PNMA8B: variants seen among roughly 807,000 people sequenced by gnomAD.
PNMA8B encodes paraneoplastic antigen-like protein 8B.
For missense variants in PNMA8B, 887 were observed against 885.8 expected, an observed-to-expected ratio of 1.00 and a Z score of -0.02; for synonymous variants, 386 against 394.9, an observed-to-expected ratio of 0.98 and a Z score of 0.27.
rs1970048699 is a variant in PNMA8B at position 46,493,985 on chromosome 19, C to G, written c.1481G>C (p.Arg494Pro). The G allele has an allele frequency of 6.2e-7, 1 of 1,613,706 alleles. No homozygotes were observed. Among genetic ancestry groups the G allele is most frequent in the Non-Finnish European group, 8.5e-7 (1 of 1,179,864 alleles). The change falls in exon 1 of 1, where the codon CGG becomes CCG. Residue 494 changes from arginine (R) to proline (P), a missense_variant. Transcript: ENST00000599531. This position sits in a 1 kb window ranked among gnomAD's most constrained non-coding sequence, Gnocchi z 5.3. ...CCCCTCGTTGGACCCCATGTTCTCCCGGGCGGCCAGGAGCGCCAATACCTC... is the reference window on the plus strand; with the variant it reads ...CCCCTCGTTGGACCCCATGTTCTCCGGGGCGGCCAGGAGCGCCAATACCTC... Reference protein sequence around the residue: ...LGEVLALLAARENMGSNEGSE... With the variant: ...LGEVLALLAAPENMGSNEGSE...
In PNMA8B at chr19:46,493,964, T is replaced by C; in HGVS notation, c.1502A>G (p.Glu501Gly). Residue 501 changes from glutamate to glycine, a missense_variant, in exon 1 of 1, where the codon GAG becomes GGG. Coordinates refer to ENST00000599531, the MANE Select transcript of PNMA8B (RefSeq NM_020709.3). The surrounding 1 kb of genome is among the most constrained non-coding windows in gnomAD (Gnocchi z 5.3). The stretch of plus-strand genomic sequence containing the variant: ...TTCGTCCGAAGCCTCCTCCGACCCC[T>C]CGTTGGACCCCATGTTCTCCCGGGC... ...LAARENMGSNEGSEEASDEQS... is the reference protein window; with the variant it reads ...LAARENMGSNGGSEEASDEQS... 1 of 1,613,054 alleles carries C rather than the reference T, an allele frequency of 6.2e-7. No individual in the cohort carries two copies.
chr19:46,491,369 C>T lies in PNMA8B; in HGVS notation c.*2189G>A, dbSNP rs1169662197. 1 of 152,236 alleles carries T rather than the reference C, an allele frequency of 6.6e-6. No homozygotes were observed. The highest frequency in any genetic ancestry group is 1.5e-5 in the Non-Finnish European group (1 of 68,118). The allele number at this position is 152,236 out of a possible 1,614,324, so 9.4% of individuals were successfully genotyped here. A position where few individuals can be genotyped will look rare whatever the true frequency, so the allele number is the denominator to read the frequency against. ...GGACGCAATCAGACCCCAGGTGTGA[C>T]TTCTAAGAGGACGTCTCTGGCAGCC... On this transcript the variant is annotated 3_prime_UTR_variant, in exon 1 of 1. Transcript: ENST00000599531.
In PNMA8B at chr19:46,492,377, A is replaced by G. The variant is rs2147482899; in HGVS notation, c.*1181T>C. On this transcript the variant is annotated 3_prime_UTR_variant, in exon 1 of 1. Transcript: ENST00000599531. ...ACGGCACGGCACAGACTCACATACAACTCAAGCGTGCTTGGGACAGCAGGT... is the reference window on the plus strand; with the variant it reads ...ACGGCACGGCACAGACTCACATACAGCTCAAGCGTGCTTGGGACAGCAGGT... 4.7e-6 allele frequency: 1 copy of G among 211,460 alleles called. No homozygotes were observed. Among genetic ancestry groups the G allele is most frequent in the Non-Finnish European group, 1.0e-5 (1 of 98,658 alleles). 13.1% of individuals were successfully genotyped at this position (211,460 alleles called of 1,614,324 possible). A position where few individuals can be genotyped will look rare whatever the true frequency, so the allele number is the denominator to read the frequency against.
At position 46,493,841 on chromosome 19, in the gene PNMA8B, G is replaced by A; in HGVS notation, c.1625C>T (p.Pro542Leu). 2 of 1,473,376 alleles carry A rather than the reference G, an allele frequency of 1.4e-6. No individual in the cohort carries two copies. The highest frequency in any genetic ancestry group is 1.8e-6 in the Non-Finnish European group (2 of 1,119,516). The allele number at this position is 1,473,376 out of a possible 1,614,324, so 91.3% of individuals were successfully genotyped here. ...CGCGCCGGCCGGAGTCAGGCCCCTGGGGGCCGTGCGCGCCCTCTTGGCCCG... is the reference window on the plus strand; with the variant it reads ...CGCGCCGGCCGGAGTCAGGCCCCTGAGGGCCGTGCGCGCCCTCTTGGCCCG... ...KPRAKRARTA[P>L]RGLTPAGAPP... The change falls in exon 1 of 1, where the codon CCC becomes CTC. Residue 542 changes from proline to leucine, a missense_variant. Pro to Leu is a moderately conservative substitution (Grantham distance 98). Coordinates refer to ENST00000599531, the MANE Select transcript of PNMA8B (RefSeq NM_020709.3). The surrounding 1 kb of genome is among the most constrained non-coding windows in gnomAD (Gnocchi z 5.3).
In PNMA8B at chr19:46,492,859, C is replaced by G. The variant is rs548113562; in HGVS notation, c.*699G>C. Reference sequence around the variant, plus strand: ...GGTGGCCTTGGCCTGGGGCTGGTTCCTTTGTTATCAGGGGCGCCCCAGTAG... The same window carrying G: ...GGTGGCCTTGGCCTGGGGCTGGTTCGTTTGTTATCAGGGGCGCCCCAGTAG... On this transcript the variant is annotated 3_prime_UTR_variant, in exon 1 of 1. Coordinates refer to ENST00000599531, the MANE Select transcript of PNMA8B (RefSeq NM_020709.3). The G allele has an allele frequency of 1.3e-5, 2 of 153,696 alleles. No individual in the cohort carries two copies. Among genetic ancestry groups the G allele is most frequent in the African/African-American group, 4.8e-5 (2 of 41,556 alleles). The allele number at this position is 153,696 out of a possible 1,614,324, so 9.5% of individuals were successfully genotyped here. A position where few individuals can be genotyped will look rare whatever the true frequency, so the allele number is the denominator to read the frequency against.
Position 46,495,345 on chromosome 19 carries a change from G to T in PNMA8B, c.121C>A (p.Pro41Thr). ...AACGTGCCCAGGGGCAGGAGGGTCG[G>T]CTGCAGGACGGCTTCGACGTCTGCC... ...EQADVEAVLQPTLLPLGTFRL... is the reference protein window; with the variant it reads ...EQADVEAVLQTTLLPLGTFRL... Residue 41 changes from proline (P) to threonine (T), a missense_variant, in exon 1 of 1, where the codon CCG (proline) becomes ACG (threonine). Transcript: ENST00000599531. 1 of 1,282,526 alleles carries T rather than the reference G, an allele frequency of 7.8e-7. No homozygotes were observed. The highest frequency in any genetic ancestry group is 1.1e-6 in the Non-Finnish European group (1 of 877,690). 79.4% of individuals were successfully genotyped at this position (1,282,526 alleles called of 1,614,324 possible). A position where few individuals can be genotyped will look rare whatever the true frequency, so the allele number is the denominator to read the frequency against.
Position 46,494,663 on chromosome 19 carries a change from G to A in PNMA8B, c.803C>T (p.Ala268Val). The A allele has an allele frequency of 1.9e-6, 3 of 1,614,016 alleles. No individual in the cohort carries two copies. Among genetic ancestry groups the A allele is most frequent in the Non-Finnish European group, 2.5e-6 (3 of 1,179,894 alleles). Residue 268 changes from alanine to valine, a missense_variant, in exon 1 of 1, where the codon GCA (alanine) becomes GTA (valine). Physicochemically the swap from Ala to Val is moderately conservative, Grantham distance 64. Coordinates refer to ENST00000599531, the MANE Select transcript of PNMA8B (RefSeq NM_020709.3). The part of the protein sequence containing the change: ...TVTDKSKKEE[A>V]EKEPAGAESI... The stretch of plus-strand genomic sequence containing the variant: ...TTCGGCCCCAGCTGGCTCCTTCTCT[G>A]CCTCTTCTTTCTTCGATTTGTCGGT...
At position 46,493,058 on chromosome 19, in the gene PNMA8B, T is replaced by A. The variant is rs773906131; in HGVS notation, c.*500A>T. 2 of 156,022 alleles carry A rather than the reference T, an allele frequency of 1.3e-5. No individual in the cohort carries two copies. The highest frequency in any genetic ancestry group is 2.9e-5 in the Non-Finnish European group (2 of 69,494). The allele number at this position is 156,022 out of a possible 1,614,324, so 9.7% of individuals were successfully genotyped here. A position where few individuals can be genotyped will look rare whatever the true frequency, so the allele number is the denominator to read the frequency against. On this transcript the variant is annotated 3_prime_UTR_variant, in exon 1 of 1. Coordinates refer to ENST00000599531, the MANE Select transcript of PNMA8B (RefSeq NM_020709.3). This position sits in a 1 kb window ranked among gnomAD's most constrained non-coding sequence, Gnocchi z 5.3. The stretch of plus-strand genomic sequence containing the variant: ...CCTGGCTGGGAGCTGGGGCCTCCCC[T>A]GGCTGAGAGTTGCGCCCTGACACGC...
rs1438865940 is a variant in PNMA8B, at chr19:46,493,503, C to T, written c.*55G>A. On this transcript the variant is annotated 3_prime_UTR_variant, in exon 1 of 1. Transcript: ENST00000599531. This position sits in a 1 kb window ranked among gnomAD's most constrained non-coding sequence, Gnocchi z 5.3. ...GGGAGGGGAGGGCGGGGGCCACAGG[C>T]GGGCGGGTGCCCTGCGGGGCCTGCT... 13 of 1,060,038 alleles carry T rather than the reference C, an allele frequency of 1.2e-5. No individual in the cohort carries two copies. In the Admixed American group the frequency reaches 1.7e-4, roughly 13 times the overall value. The allele number at this position is 1,060,038 out of a possible 1,614,324, so 65.7% of individuals were successfully genotyped here.
Position 46,495,096 on chromosome 19 carries a change from G to A in PNMA8B, c.370C>T (p.Pro124Ser), listed in dbSNP as rs776381212. Residue 124 changes from proline (P) to serine (S), a missense_variant, in exon 1 of 1, where the codon CCC becomes TCC. Pro to Ser is a moderately conservative substitution (Grantham distance 74). Coordinates refer to ENST00000599531, the MANE Select transcript of PNMA8B (RefSeq NM_020709.3). Reference sequence around the variant, plus strand: ...GCGGGAGGGGTGGGTGCCTCCCCGGGGGTCCCAGCCTCCGCGGCCTGCGTG... The same window carrying A: ...GCGGGAGGGGTGGGTGCCTCCCCGGAGGTCCCAGCCTCCGCGGCCTGCGTG... ...GPTQAAEAGT[P>S]GEAPTPPASE... 3.1e-6 allele frequency: 5 copies of A among 1,613,158 alleles called. No homozygotes were observed. In the South Asian group the frequency reaches 4.4e-5, roughly 14 times the overall value.
chr19:46,492,255 G>A lies in PNMA8B; in HGVS notation c.*1303C>T. On this transcript the variant is annotated 3_prime_UTR_variant, in exon 1 of 1. Coordinates refer to ENST00000599531, the MANE Select transcript of PNMA8B (RefSeq NM_020709.3). The stretch of plus-strand genomic sequence containing the variant: ...ACGAGGAAGCACACACATTGCCCCA[G>A]GGACAAGAAGGCATGAATGAAGGTG... 1 of 348,958 alleles carries A rather than the reference G, an allele frequency of 2.9e-6. No individual in the cohort carries two copies. The highest frequency in any genetic ancestry group is 6.0e-6 in the Non-Finnish European group (1 of 167,974). The allele number at this position is 348,958 out of a possible 1,614,324, so 21.6% of individuals were successfully genotyped here.
At position 46,494,715 on chromosome 19, in the gene PNMA8B, G is replaced by A. The variant is rs138594215; in HGVS notation, c.751C>T (p.Arg251Cys). 6.2e-6 allele frequency: 10 copies of A among 1,613,844 alleles called. No homozygotes were observed. Among genetic ancestry groups the A allele is most frequent in the Middle Eastern group, 1.6e-4 (1 of 6,084 alleles). Reference sequence around the variant, plus strand: ...ACGGTGACCAGAGCCAAGAACTCGCGGGGACCGTCTTCTTCCCCCTCGGAG... The same window carrying A: ...ACGGTGACCAGAGCCAAGAACTCGCAGGGACCGTCTTCTTCCCCCTCGGAG... Reference protein sequence around the residue: ...CNSEGEEDGPREFLALVTVTD... With the variant: ...CNSEGEEDGPCEFLALVTVTD... Residue 251 changes from arginine (R) to cysteine (C), a missense_variant, in exon 1 of 1, where the codon CGC becomes TGC. By Grantham distance (180) the Arg-to-Cys change is radical. Transcript: ENST00000599531.
rs758269236 is a variant in PNMA8B at position 46,494,642 on chromosome 19, G to A, written c.824C>T (p.Ala275Val). 3.1e-6 allele frequency: 5 copies of A among 1,613,890 alleles called. No homozygotes were observed. In the South Asian group the frequency reaches 5.5e-5, roughly 18 times the overall value. Residue 275 changes from alanine to valine, a missense_variant, in exon 1 of 1, where the codon GCC becomes GTC. Coordinates refer to ENST00000599531, the MANE Select transcript of PNMA8B (RefSeq NM_020709.3). ...TTTGGTGTTCAAGCGGATGGATTCG[G>A]CCCCAGCTGGCTCCTTCTCTGCCTC... The part of the protein sequence containing the change: ...KEEAEKEPAG[A>V]ESIRLNTKED...
rs1970055925 is a variant in PNMA8B, at chr19:46,494,282, C to T, written c.1184G>A (p.Arg395His). ...GCGCAGGACCACGGCGTCCACCTCG[C>T]GGCCCGCCTCTTCCACCTTCACGCG... ...GTRVKVEEAG[R>H]EVDAVVLRKA... Residue 395 changes from arginine to histidine, a missense_variant, in exon 1 of 1, where the codon CGC becomes CAC. Arg to His is a conservative substitution (Grantham distance 29). Transcript: ENST00000599531. 14 of 1,610,898 alleles carry T rather than the reference C, an allele frequency of 8.7e-6. No homozygotes were observed. The highest frequency in any genetic ancestry group is 1.2e-5 in the Non-Finnish European group (14 of 1,179,476).
rs1440596325 is a variant in PNMA8B, at chr19:46,494,675, T to C, written c.791A>G (p.Lys264Arg). Residue 264 changes from lysine to arginine, a missense_variant, in exon 1 of 1, where the codon AAG (lysine) becomes AGG (arginine). Transcript: ENST00000599531. ...TGGCTCCTTCTCTGCCTCTTCTTTC[T>C]TCGATTTGTCGGTGACGGTGACCAG... is the stretch of plus-strand genomic sequence containing the variant. Reference protein sequence around the residue: ...LALVTVTDKSKKEEAEKEPAG... With the variant: ...LALVTVTDKSRKEEAEKEPAG... 1.9e-6 allele frequency: 3 copies of C among 1,614,048 alleles called. No individual in the cohort carries two copies. The South Asian group carries it at 3.3e-5, about 18-fold the overall frequency.
rs776719834 is a variant in PNMA8B, at chr19:46,494,611, G to A, written c.855C>T (p.Asp285=). 6 of 1,613,888 alleles carry A rather than the reference G, an allele frequency of 3.7e-6. No individual in the cohort carries two copies. Among genetic ancestry groups the A allele is most frequent in the African/African-American group, 2.7e-5 (2 of 74,934 alleles). The change falls in exon 1 of 1, where the codon GAC becomes GAT. Residue 285 remains aspartate (D), a synonymous_variant. Coordinates refer to ENST00000599531, the MANE Select transcript of PNMA8B (RefSeq NM_020709.3). ...CCACTAAGTCGGGGACACCATTTTT[G>A]TCTTCTTTGGTGTTCAAGCGGATGG... ...AESIRLNTKE[D]KNGVPDLVAL...
At position 46,495,741 on chromosome 19, in the gene PNMA8B, C is replaced by T. The variant is rs1970086041; in HGVS notation, c.-276G>A. 1 of 430,064 alleles carries T rather than the reference C, an allele frequency of 2.3e-6. No homozygotes were observed. Among genetic ancestry groups the T allele is most frequent in the Non-Finnish European group, 4.4e-6 (1 of 228,538 alleles). The allele number at this position is 430,064 out of a possible 1,614,324, so 26.6% of individuals were successfully genotyped here. A position where few individuals can be genotyped will look rare whatever the true frequency, so the allele number is the denominator to read the frequency against. On this transcript the variant is annotated 5_prime_UTR_variant, in exon 1 of 1. Coordinates refer to ENST00000599531, the MANE Select transcript of PNMA8B (RefSeq NM_020709.3). Reference sequence around the variant, plus strand: ...TGTCTGCTTTCCAGGACAGCTCCCTCCCTCTCTCCCTGACACAGGCCTGAG... The same window carrying T: ...TGTCTGCTTTCCAGGACAGCTCCCTTCCTCTCTCCCTGACACAGGCCTGAG...
In PNMA8B at chr19:46,492,040, A is replaced by G; in HGVS notation, c.*1518T>C. Reference sequence around the variant, plus strand: ...CACTGTCCAGGGACAGCCTCCAAGCAGAGGGGAGCACCCACGCCCTGCAGC... The same window carrying G: ...CACTGTCCAGGGACAGCCTCCAAGCGGAGGGGAGCACCCACGCCCTGCAGC... On this transcript the variant is annotated 3_prime_UTR_variant, in exon 1 of 1. Transcript: ENST00000599531. The G allele has an allele frequency of 3.2e-6, 1 of 310,312 alleles. No homozygotes were observed. The highest frequency in any genetic ancestry group is 2.5e-5 in the South Asian group (1 of 40,386). 19.2% of individuals were successfully genotyped at this position (310,312 alleles called of 1,614,324 possible).
chr19:46,495,833 G>T lies in PNMA8B; in HGVS notation c.-368C>A, dbSNP rs960934551. On this transcript the variant is annotated 5_prime_UTR_variant, in exon 1 of 1. Coordinates refer to ENST00000599531, the MANE Select transcript of PNMA8B (RefSeq NM_020709.3). ...TGCACCTGGAGAGGCGTGGGAGGTA[G>T]CAGCCGCAGCTTGCCTGGCGCTCGC... 1 of 208,218 alleles carries T rather than the reference G, an allele frequency of 4.8e-6. No homozygotes were observed. The highest frequency in any genetic ancestry group is 1.1e-5 in the Non-Finnish European group (1 of 95,222). The allele number at this position is 208,218 out of a possible 1,614,324, so 12.9% of individuals were successfully genotyped here.
Sources: allele counts gnomAD v4.1 joint callset, GRCh38; gene constraint gnomAD v4.1.1; non-coding constraint Gnocchi (gnomAD v3.1); transcripts MANE v1.5; gene names NCBI Gene and HGNC (gene_info 2026-07-23, HGNC 2026-07-21).